The following UGT1A9 variants were observed in gnomAD, a reference collection of about 807,000 sequenced individuals.
The protein encoded by UGT1A9 is UDP glucuronosyltransferase family 1 member A9.
Under a neutral mutation model 45.0 loss-of-function variants are expected in UGT1A9, and 35 were observed. The observed-to-expected ratio is 0.78, with a 90% CI of 0.59 to 1.03. The LOEUF is 1.03. UGT1A9 is among the 50% of genes least tolerant of loss of function. The probability of loss-of-function intolerance (pLI) is 0.00; values close to 1 mark genes in which losing one functional copy is unlikely to be tolerated. For synonymous variants in UGT1A9, 278 were observed against 250.6 expected, an observed-to-expected ratio of 1.11 and a Z score of -1.03; for missense variants, 687 against 666.6, an observed-to-expected ratio of 1.03 and a Z score of -0.34.
chr2:233,760,984 C>T lies in UGT1A9; in HGVS notation c.856-6050C>T. 6.2e-7 allele frequency: 1 copy of T among 1,614,234 alleles called. No individual in the cohort carries two copies. The highest frequency in any genetic ancestry group is 8.5e-7 in the Non-Finnish European group (1 of 1,180,042). ...CGTGGTTTATTCCCCGTATGCAACC[C>T]TTGCCTCAGAATTCCTTCAGAGAGA... is the stretch of plus-strand genomic sequence containing the variant. On this transcript the variant is annotated intron_variant, in intron 1 of 4. Coordinates refer to ENST00000354728, the MANE Select transcript of UGT1A9 (RefSeq NM_021027.3).
intron 1 of UGT1A9, chr2:233,719,196 A>T (rs1343607687): frequency 6.2e-7 from 1 of 1,614,214 alleles, no homozygotes; most frequent in Non-Finnish European, 8.5e-7. Flanking sequence ...GGCCCTTCAT[A>T]GGTGTTGTGT....
intron 1 of UGT1A9, chr2:233,713,148 G>T: frequency 6.2e-7 from 1 of 1,614,254 alleles, no homozygotes; most frequent in Non-Finnish European, 8.5e-7. Context: ...GGACCTCCAT[G>T]CGAGAGGCCA....
At chr2:233,719,697 G>A in intron 1 of UGT1A9, 1 of 1,613,928 alleles carries the variant, frequency 6.2e-7, no homozygotes. Context: ...GGTCTGTATT[G>A]GTGCCTTCAT....
At chr2:233,749,420 T>C (rs1003222005) in intron 1 of UGT1A9, among the ~76,000 whole-genome samples, 1 of 151,886 alleles carries the variant, frequency 6.6e-6, no homozygotes, top group Admixed American at 6.5e-5. Flanking sequence ...ACTACATTGC[T>C]CAAAACTTCA....
chr2:233,760,729 A>G lies in UGT1A9; in HGVS notation c.856-6305A>G, dbSNP rs1289728507. On this transcript the variant is annotated intron_variant, in intron 1 of 4. Coordinates refer to ENST00000354728, the MANE Select transcript of UGT1A9 (RefSeq NM_021027.3). ...CCTGGCAGAAAGCAGCTTTGATGTCATGCTGACGGACCCTTTCCTTCCTTG... is the reference window on the plus strand; with the variant it reads ...CCTGGCAGAAAGCAGCTTTGATGTCGTGCTGACGGACCCTTTCCTTCCTTG... 1.9e-6 allele frequency: 3 copies of G among 1,614,196 alleles called. No individual in the cohort carries two copies. The Admixed American group carries it at 5.0e-5, about 27-fold the overall frequency.
intron 1 of UGT1A9, chr2:233,693,460 C>T (rs1488589072): frequency 1.2e-6 from 2 of 1,614,146 alleles, no homozygotes; most frequent in South Asian, 2.2e-5. Flanking sequence ...CAGACCCAGC[C>T]TTACCCTGTG....
intron 1 of UGT1A9, chr2:233,721,708 G>T (rs994914932): frequency 2.4e-5 from 9 of 371,466 alleles, no homozygotes; most frequent in African/African-American, 4.2e-5. Flanking sequence ...GCTCATCTTG[G>T]ATGCTTTGTT....
chr2:233,683,319 A>G (rs906798140), intron 1 of UGT1A9, among the ~76,000 whole-genome samples: 1 of 152,112 alleles, frequency 6.6e-6, no homozygotes, highest in African/African-American at 2.4e-5. Flanking sequence ...CAGATTTGAC[A>G]TGTTCTTTTA....
rs747907611 is a variant in UGT1A9 at position 233,695,435 on chromosome 2, CTTT to C, written c.855+22654_855+22656del. Among the ~76,000 whole-genome samples the C allele has an allele frequency of 1.2e-4, 16 of 130,504 alleles. No individual in the cohort carries two copies. The South Asian group carries it at 1.3e-3, about 11-fold the overall frequency. 85.6% of individuals were successfully genotyped at this position (130,504 alleles called of 152,430 possible). Reference sequence around the variant, plus strand: ...TACCGCGCCCGGCCTTCTTCTTCTTCTTTTTTTTTTGATCAACGTGCTTTATTG... The same window carrying C: ...TACCGCGCCCGGCCTTCTTCTTCTTCTTTTTTTGATCAACGTGCTTTATTG... On this transcript the variant is annotated intron_variant, in intron 1 of 4. Coordinates refer to ENST00000354728, the MANE Select transcript of UGT1A9 (RefSeq NM_021027.3).
At chr2:233,733,369 T>G (rs13410335) in intron 1 of UGT1A9, among the ~76,000 whole-genome samples, 57,553 of 151,946 alleles carry the variant, frequency 0.38, 11,204 homozygotes, top group African/African-American at 0.46. Flanking sequence ...GTGAGAGAGG[T>G]CATCCTTGTT....
At chr2:233,688,929 G>A (rs532417725) in intron 1 of UGT1A9, among the ~76,000 whole-genome samples, 20 of 152,124 alleles carry the variant, frequency 1.3e-4, no homozygotes, top group African/African-American at 3.6e-4. Flanking sequence ...AGGGAAGATG[G>A]CAGGTGCAGC....
intron 1 of UGT1A9, chr2:233,739,055 G>T (rs995568574): frequency 1.3e-5 from 2 of 152,274 alleles, no homozygotes; most frequent in Admixed American, 6.5e-5. Context: ...TCAGGCCATT[G>T]CTTCAGAGGG....
At chr2:233,754,832 T>G (rs773754133) in intron 1 of UGT1A9, 4 of 1,342,732 alleles carry the variant, frequency 3.0e-6, no homozygotes, top group Non-Finnish European at 4.0e-6. Context: ...AAGCTGGAAA[T>G]TCACTGAAGG....
rs60469444 is a variant in UGT1A9, at chr2:233,743,994, T to G, written c.856-23040T>G. ...GCCAGCACCCAGGCGCAGGCCCGAG[T>G]GCTCGGAGACCTGGGCCGCCTGGAG... On this transcript the variant is annotated intron_variant, in intron 1 of 4. Coordinates refer to ENST00000354728, the MANE Select transcript of UGT1A9 (RefSeq NM_021027.3). 3 of 1,253,056 alleles carry G rather than the reference T, an allele frequency of 2.4e-6. No individual in the cohort carries two copies. In the African/African-American group the frequency reaches 4.7e-5, roughly 20 times the overall value. The allele number at this position is 1,253,056 out of a possible 1,614,324, so 77.6% of individuals were successfully genotyped here. A position where few individuals can be genotyped will look rare whatever the true frequency, so the allele number is the denominator to read the frequency against.
At chr2:233,744,357 G>A (rs1350694311) in intron 1 of UGT1A9, among the ~76,000 whole-genome samples, 2 of 151,858 alleles carry the variant, frequency 1.3e-5, no homozygotes, top group South Asian at 2.1e-4. Context: ...AAGACATCCT[G>A]TTGTTTAGGA....
Position 233,767,734 on chromosome 2 carries a change from ACT to A in UGT1A9, c.988-112_988-111del, listed in dbSNP as rs1191822668. On this transcript the variant is annotated intron_variant, in intron 2 of 4. Coordinates refer to ENST00000354728, the MANE Select transcript of UGT1A9 (RefSeq NM_021027.3). Reference sequence around the variant, plus strand: ...AGCCTTCACAGTTACTGATCCTCCCACTCTGTTAAAGACTGTTCCTTCAGAGG... The same window carrying A: ...AGCCTTCACAGTTACTGATCCTCCCACTGTTAAAGACTGTTCCTTCAGAGG... 4 of 1,567,824 alleles carry A rather than the reference ACT, an allele frequency of 2.6e-6. No homozygotes were observed. The Admixed American group carries it at 7.4e-5, about 29-fold the overall frequency.
At chr2:233,719,521 T>C in intron 1 of UGT1A9, 1 of 1,613,998 alleles carries the variant, frequency 6.2e-7, no homozygotes, top group Non-Finnish European at 8.5e-7. Flanking sequence ...TATGCAAGTC[T>C]TGCCTCTGAG....
rs528831440 is a variant in UGT1A9, at chr2:233,734,491, G to GT, written c.856-32536dup. Among the ~76,000 whole-genome samples, 467 of 152,022 alleles carry GT rather than the reference G, an allele frequency of 3.1e-3. 1 individual carries two copies. Among genetic ancestry groups the GT allele is most frequent in the Admixed American group, 5.0e-3 (77 of 15,264 alleles). On this transcript the variant is annotated intron_variant, in intron 1 of 4. Coordinates refer to ENST00000354728, the MANE Select transcript of UGT1A9 (RefSeq NM_021027.3). ...CCTGGATTCATTGATTTTTTTGAAG[G>GT]TTTTTTTGTGTCTCTATCTCTTTCA...
At chr2:233,746,235 C>T (rs565676121) in intron 1 of UGT1A9, among the ~76,000 whole-genome samples, 3 of 151,598 alleles carry the variant, frequency 2.0e-5, no homozygotes, top group Non-Finnish European at 4.4e-5. Flanking sequence ...ATGCAAACTG[C>T]TAAAAGATAC....
Sources: allele counts gnomAD v4.1 joint callset (sites outside exome capture counted in the v4.1 genomes callset), GRCh38; gene constraint gnomAD v4.1.1; transcripts MANE v1.5; gene names NCBI Gene and HGNC (gene_info 2026-07-23, HGNC 2026-07-21).